The following APPL1 variants were observed in gnomAD, a reference collection of about 807,000 sequenced individuals.
APPL1 encodes adaptor protein, phosphotyrosine interacting with PH domain and leucine zipper 1.
In APPL1, 42 loss-of-function variants were observed where a neutral mutation model predicts 106.8. The observed-to-expected ratio is 0.39, with a 90% CI of 0.31 to 0.51. The LOEUF is 0.51. Among genes scored for constraint, APPL1 ranks in the 20% least tolerant of loss-of-function variants. APPL1 has a pLI of 0.75. For synonymous variants in APPL1, 263 were observed against 281.8 expected, an observed-to-expected ratio of 0.93 and a Z score of 0.67; for missense variants, 769 against 858.2, an observed-to-expected ratio of 0.90 and a Z score of 1.30.
At chr3:57,263,037 GAC>G (rs1249779630) in intron 19 of APPL1, among the ~76,000 whole-genome samples, 1 of 151,730 alleles carries the variant, frequency 6.6e-6, no homozygotes, top group Non-Finnish European at 1.5e-5. Flanking sequence ...TTTTAGTAGA[GAC>G]AGGGTTTCTC....
intron 1 of APPL1, among the ~76,000 whole-genome samples, chr3:57,234,440 G>A (rs2060705322): frequency 6.6e-6 from 1 of 151,210 alleles, no homozygotes; most frequent in Admixed American, 6.6e-5. Flanking sequence ...TGGGACTGCA[G>A]GGGCCCGCCA....
chr3:57,257,490 G>A, intron 15 of APPL1, 62 bp downstream of exon 15: 1 of 1,331,962 alleles, frequency 7.5e-7, no homozygotes, highest in South Asian at 1.8e-5. Context: ...TCCCCTGTCT[G>A]CATTTCAGAG....
Position 57,242,872 on chromosome 3 carries a change from T to G in APPL1, c.432T>G (p.Ile144Met). 1 of 1,612,116 alleles carries G rather than the reference T, an allele frequency of 6.2e-7. No individual in the cohort carries two copies. The highest frequency in any genetic ancestry group is 8.5e-7 in the Non-Finnish European group (1 of 1,178,598). The change falls in exon 7 of 22, where the codon ATT becomes ATG. Residue 144 changes from isoleucine to methionine, a missense_variant. Physicochemically the swap from Ile to Met is conservative, Grantham distance 10 (BLOSUM62 1). Transcript: ENST00000288266. Reference sequence around the variant, plus strand: ...TTTTTCCAGATCATGATGCTGCGATTAATAGATATAGCCGTTTATCAAAAA... The same window carrying G: ...TTTTTCCAGATCATGATGCTGCGATGAATAGATATAGCCGTTTATCAAAAA... ...QIASNDHDAA[I>M]NRYSRLSKKR... is the part of the protein sequence containing the mutation.
At chr3:57,244,442 C>G (rs1429909064) in intron 7 of APPL1, among the ~76,000 whole-genome samples, 1 of 152,170 alleles carries the variant, frequency 6.6e-6, no homozygotes, top group Non-Finnish European at 1.5e-5. Context: ...AGGCTTGAGC[C>G]ACCACACATG....
chr3:57,265,753 C>G (rs1285703111), intron 19 of APPL1, among the ~76,000 whole-genome samples: 3 of 152,078 alleles, frequency 2.0e-5, no homozygotes, highest in Non-Finnish European at 4.4e-5. Context: ...CCTCTCTTAC[C>G]TGATTACTCA....
chr3:57,230,768 G>T (rs1465645319), intron 1 of APPL1: 4 of 458,108 alleles, frequency 8.7e-6, no homozygotes, highest in African/African-American at 2.0e-5. Context: ...AAAGCTCATG[G>T]TAAGTTTTTT....
rs1178043211 is a variant in APPL1 at position 57,272,359 on chromosome 3, G to T, written c.*2672G>T. ...TTTTGCCACATCTGCAATGATTATT[G>T]TTTAATTTCAAAAGAATCCTCAGGC... On this transcript the variant is annotated 3_prime_UTR_variant, in exon 22 of 22. Coordinates refer to ENST00000288266, the MANE Select transcript of APPL1 (RefSeq NM_012096.3). 6.6e-6 allele frequency: 1 copy of T among 152,062 alleles called. No homozygotes were observed. Among genetic ancestry groups the T allele is most frequent in the Non-Finnish European group, 1.5e-5 (1 of 67,994 alleles). 9.4% of individuals were successfully genotyped at this position (152,062 alleles called of 1,614,324 possible). A position where few individuals can be genotyped will look rare whatever the true frequency, so the allele number is the denominator to read the frequency against.
In APPL1 at chr3:57,245,547, AGT is replaced by A. The variant is rs1491583470; in HGVS notation, c.475-528_475-527del. Among the ~76,000 whole-genome samples the A allele has an allele frequency of 7.6e-5, 11 of 143,818 alleles. 1 individual carries two copies. Among genetic ancestry groups the A allele is most frequent in the African/African-American group, 2.2e-4 (9 of 40,082 alleles). 94.4% of individuals were successfully genotyped at this position (143,818 alleles called of 152,430 possible). On this transcript the variant is annotated intron_variant, in intron 7 of 21. Transcript: ENST00000288266. ...GTACAGAATTCTGTTTTCAATATGC[AGT>A]TTTTTTTTTTTTTGAGACAGTCTCT... is the stretch of plus-strand genomic sequence containing the variant.
At chr3:57,235,401 A>C (rs544857034) in intron 1 of APPL1, among the ~76,000 whole-genome samples, 165 bp from the exon 2 acceptor site, 6 of 152,276 alleles carry the variant, frequency 3.9e-5, no homozygotes, top group Admixed American at 2.0e-4. Flanking sequence ...CTAAGAACAA[A>C]AAAAAAAGAC....
chr3:57,239,329 C>A (rs1006428518), intron 4 of APPL1, among the ~76,000 whole-genome samples: 9 of 145,036 alleles, frequency 6.2e-5, no homozygotes, highest in African/African-American at 2.0e-4. Context: ...AACCACTAAT[C>A]TTCTTTCTGT....
chr3:57,246,153 A>AT lies in APPL1; in HGVS notation c.554dup (p.Leu185PhefsTer28). 1 of 1,612,734 alleles carries AT rather than the reference A, an allele frequency of 6.2e-7. No individual in the cohort carries two copies. The highest frequency in any genetic ancestry group is 8.5e-7 in the Non-Finnish European group (1 of 1,179,240). On this transcript the variant is annotated frameshift_variant, in exon 8 of 22. Coordinates refer to ENST00000288266, the MANE Select transcript of APPL1 (RefSeq NM_012096.3). LOFTEE classifies it high-confidence loss of function. ...AGACCATGATGCATTATTTTTGTGCATTAAATACTCTTCAGTACAAGAAGA... is the reference window on the plus strand; with the variant it reads ...AGACCATGATGCATTATTTTTGTGCATTTAAATACTCTTCAGTACAAGAAGA...
At chr3:57,257,081 A>G in intron 14 of APPL1, 30 bp downstream of exon 14, 1 of 1,602,966 alleles carries the variant, frequency 6.2e-7, no homozygotes, top group South Asian at 1.1e-5. Flanking sequence ...TATTTAAAGA[A>G]GGAGATGGGC....
intron 4 of APPL1, among the ~76,000 whole-genome samples, chr3:57,239,413 T>C (rs1305210591): frequency 6.6e-6 from 1 of 152,230 alleles, no homozygotes; most frequent in Non-Finnish European, 1.5e-5. Context: ...TGTTTTCACT[T>C]AGCATAATGT....
intron 7 of APPL1, among the ~76,000 whole-genome samples, chr3:57,244,711 A>G (rs1370643904): frequency 6.6e-6 from 1 of 152,186 alleles, no homozygotes; most frequent in East Asian, 1.9e-4. Context: ...GAGGGAGTGG[A>G]CAGCCGCCAA....
chr3:57,261,493 G>A (rs1354548406), intron 19 of APPL1, among the ~76,000 whole-genome samples: 3 of 152,056 alleles, frequency 2.0e-5, no homozygotes, highest in Admixed American at 1.3e-4. Flanking sequence ...TTGTTGGATC[G>A]AATGGTAGTT....
At chr3:57,244,762 T>C (rs1023969519) in intron 7 of APPL1, among the ~76,000 whole-genome samples, 3 of 152,118 alleles carry the variant, frequency 2.0e-5, no homozygotes, top group East Asian at 1.9e-4. Flanking sequence ...AATTGTGTTA[T>C]AGAACAAACA....
intron 19 of APPL1, among the ~76,000 whole-genome samples, chr3:57,266,246 T>C (rs540869986): frequency 1.9e-4 from 29 of 152,328 alleles, no homozygotes; most frequent in African/African-American, 7.0e-4. Context: ...CCTCTATTTT[T>C]TGGAACATTT....
chr3:57,244,943 TAGG>T (rs1043788792), intron 7 of APPL1, among the ~76,000 whole-genome samples: 16 of 152,252 alleles, frequency 1.1e-4, no homozygotes, highest in African/African-American at 3.4e-4. Context: ...CTTGTGGTAA[TAGG>T]AGGAATAAAA....
intron 15 of APPL1, among the ~76,000 whole-genome samples, chr3:57,258,195 T>C (rs761406032): frequency 6.6e-6 from 1 of 152,212 alleles, no homozygotes; most frequent in Admixed American, 6.5e-5. Context: ...TCTCACTCTG[T>C]TGCCCAGGCT....
Sources: allele counts gnomAD v4.1 joint callset (sites outside exome capture counted in the v4.1 genomes callset), GRCh38; gene constraint gnomAD v4.1.1; transcripts MANE v1.5; gene names NCBI Gene and HGNC (gene_info 2026-07-23, HGNC 2026-07-21).